Variants in PIR observed in about 807,000 individuals in gnomAD.
PIR encodes the protein pirin, also known as pirin (iron-binding nuclear protein).
Under a neutral mutation model 24.2 loss-of-function variants are expected in PIR, and 22 were observed. The ratio of observed to expected loss-of-function variants is 0.91; its 90% CI spans 0.65 to 1.30. The LOEUF (loss-of-function observed/expected upper bound fraction) is 1.30, where lower values mean the gene tolerates loss of function less well. PIR is among the 50% of genes most tolerant of loss of function. The pLI is 0.00. For missense variants in PIR, 220 were observed against 220.3 expected (o/e 1.00, Z 0.01); for synonymous variants, 80 against 79.6 (o/e 1.00, Z -0.03).
chrX:15,387,635 A>T (rs1923818656), intron 9 of PIR, among the ~76,000 whole-genome samples: 1 of 111,677 alleles, frequency 9.0e-6, no homozygotes, highest in Admixed American at 9.5e-5. Context: ...CGCAGGGGAA[A>T]GGGAAATGCA....
intron 6 of PIR, among the ~76,000 whole-genome samples, chrX:15,419,765 G>A (rs1219860644): frequency 7.4e-5 from 8 of 107,814 alleles, no homozygotes; most frequent in South Asian, 4.0e-4. Context: ...GCGTGGTGGT[G>A]GGTGCCTGTA....
At chrX:15,399,740 GC>G (rs1265377633) in intron 7 of PIR, among the ~76,000 whole-genome samples, 2 of 111,019 alleles carry the variant, frequency 1.8e-5, no homozygotes, top group Admixed American at 1.9e-4. Flanking sequence ...TTTAGAGCAG[GC>G]CTGCTACTAG....
intron 2 of PIR, among the ~76,000 whole-genome samples, chrX:15,487,674 C>A (rs1380089372): frequency 8.9e-6 from 1 of 112,236 alleles, no homozygotes; most frequent in Non-Finnish European, 1.9e-5. Context: ...GCTGGGAGCA[C>A]AGAGGAACCA....
At chrX:15,465,025 T>C (rs78083809) in intron 3 of PIR, among the ~76,000 whole-genome samples, 1 of 108,979 alleles carries the variant, frequency 9.2e-6, no homozygotes, top group African/African-American at 3.5e-5. Context: ...GACATCAAGA[T>C]TTTTTTTTCC....
Position 15,479,808 on chromosome X carries a change from T to C in PIR, c.110A>G (p.Asp37Gly). The change falls in exon 3 of 10, where the codon GAT becomes GGT. Residue 37 changes from aspartate (D) to glycine (G), a missense_variant. By Grantham distance (94) the Asp-to-Gly change is moderately conservative. Coordinates refer to ENST00000380420, the MANE Select transcript of PIR (RefSeq NM_001018109.3). ...AAATTCATCAAACAGTAAAAACGGA[T>C]CCAGATTTTTTAACTGAAATAAAAA... is the stretch of plus-strand genomic sequence containing the variant. ...SIGRPELKNL[D>G]PFLLFDEFKG... The C allele has an allele frequency of 8.7e-7, 1 of 1,143,771 alleles. No homozygotes were observed. The highest frequency in any genetic ancestry group is 1.2e-6 in the Non-Finnish European group (1 of 841,856). The allele number at this position is 1,143,771 out of a possible 1,213,427, so 94.3% of individuals were successfully genotyped here.
intron 6 of PIR, among the ~76,000 whole-genome samples, chrX:15,418,779 C>T (rs919893180): frequency 1.8e-5 from 2 of 112,144 alleles, no homozygotes; most frequent in Non-Finnish European, 3.8e-5. Context: ...TCTCCCTTAA[C>T]TGGATTTCCC....
In PIR at chrX:15,451,682, G is replaced by A. The variant is rs138324321; in HGVS notation, c.480+4166C>T. On this transcript the variant is annotated intron_variant, in intron 5 of 9. Transcript: ENST00000380420. ...CTGTTATCTCTCAGGCATTGTTTCC[G>A]GTGCTAAGTGCACAGTGGTATGATC... 2.9e-3 allele frequency among the ~76,000 whole-genome samples: 324 copies of A among 111,625 alleles called. 2 individuals are homozygous for A. Among genetic ancestry groups the A allele is most frequent in the African/African-American group, 0.01 (309 of 30,785 alleles).
Position 15,396,850 on chromosome X carries a change from T to C in PIR, c.693+599A>G, listed in dbSNP as rs777781833. 8.1e-4 allele frequency among the ~76,000 whole-genome samples: 90 copies of C among 110,915 alleles called. 1 individual carries two copies. The highest frequency in any genetic ancestry group is 4.6e-3 in the Middle Eastern group (1 of 217). On this transcript the variant is annotated intron_variant, in intron 8 of 9. Transcript: ENST00000380420. Reference sequence around the variant, plus strand: ...CCACCTCCCGGGTTCACGCCATTCTTCTGCCTCAGCCTCCCGAGTAGCTGG... The same window carrying C: ...CCACCTCCCGGGTTCACGCCATTCTCCTGCCTCAGCCTCCCGAGTAGCTGG...
intron 7 of PIR, among the ~76,000 whole-genome samples, chrX:15,401,915 T>C (rs1489033132): frequency 8.9e-6 from 1 of 112,667 alleles, no homozygotes; most frequent in African/African-American, 3.2e-5. Context: ...AGGTTTGATA[T>C]TATCAATTTT....
intron 9 of PIR, among the ~76,000 whole-genome samples, chrX:15,389,554 T>A (rs1339878574): frequency 9.0e-6 from 1 of 111,402 alleles, no homozygotes; most frequent in Non-Finnish European, 1.9e-5. Context: ...AATAATAAAA[T>A]GGGTTTTAAT....
intron 5 of PIR, among the ~76,000 whole-genome samples, chrX:15,438,007 C>T (rs1421463399): frequency 8.9e-6 from 1 of 112,558 alleles, no homozygotes; most frequent in African/African-American, 3.2e-5. Flanking sequence ...ACTGTCTCTT[C>T]CTTGATCAAC....
intron 8 of PIR, among the ~76,000 whole-genome samples, chrX:15,397,228 A>G (rs1924193933): frequency 8.9e-6 from 1 of 112,385 alleles, no homozygotes; most frequent in Non-Finnish European, 1.9e-5. Flanking sequence ...AACAATAGGG[A>G]CTTTATATGA....
In PIR at chrX:15,491,298, G is replaced by T. The variant is rs1923145650; in HGVS notation, c.-41C>A. ...GAGAGTGTTCTGATGCTGAGCTGTA[G>T]AGGATGGAGGGCTAAAGGAAGGACA... On this transcript the variant is annotated 5_prime_UTR_variant, in exon 2 of 10. Transcript: ENST00000380420. 2 of 894,683 alleles carry T rather than the reference G, an allele frequency of 2.2e-6. No individual in the cohort carries two copies. The highest frequency in any genetic ancestry group is 1.6e-6 in the Non-Finnish European group (1 of 626,816). The allele number at this position is 894,683 out of a possible 1,213,427, so 73.7% of individuals were successfully genotyped here. A position where few individuals can be genotyped will look rare whatever the true frequency, so the allele number is the denominator to read the frequency against.
At chrX:15,394,626 C>T (rs542496693) in intron 8 of PIR, among the ~76,000 whole-genome samples, 1 of 111,430 alleles carries the variant, frequency 9.0e-6, no homozygotes, top group Admixed American at 9.6e-5. Context: ...TACTCCTGAT[C>T]GTGGAGCCAT....
chrX:15,489,671 G>A (rs16979920), intron 2 of PIR, among the ~76,000 whole-genome samples: 2,138 of 111,967 alleles, frequency 0.019, 37 homozygotes, highest in African/African-American at 0.065. Context: ...AGAAAACACT[G>A]TTTGATGGAC....
intron 5 of PIR, among the ~76,000 whole-genome samples, chrX:15,445,915 C>G (rs1319173012): frequency 2.0e-5 from 2 of 100,854 alleles, no homozygotes; most frequent in South Asian, 9.5e-4. Flanking sequence ...CTGCAAGCTC[C>G]GCCTCCCGGG....
chrX:15,446,771 C>T (rs942160975), intron 5 of PIR, among the ~76,000 whole-genome samples: 2 of 111,643 alleles, frequency 1.8e-5, no homozygotes, highest in African/African-American at 6.5e-5. Context: ...CTGCATCCAT[C>T]CAGCCCCCTG....
chrX:15,471,483 GC>G (rs778526894), intron 3 of PIR, among the ~76,000 whole-genome samples: 11 of 111,776 alleles, frequency 9.8e-5, no homozygotes, highest in African/African-American at 3.6e-4. Flanking sequence ...GGGCTTCGAA[GC>G]TTGGGCCTTC....
In PIR at chrX:15,385,030, T is replaced by C. The variant is rs200265489; in HGVS notation, c.847A>G (p.Thr283Ala). The change falls in exon 10 of 10, where the codon ACC becomes GCC. Residue 283 changes from threonine to alanine, a missense_variant. By Grantham distance (58) the Thr-to-Ala change is moderately conservative. Coordinates refer to ENST00000380420, the MANE Select transcript of PIR (RefSeq NM_001018109.3). The part of the protein sequence containing the change: ...NAKNGFERAK[T>A]WKSKIGN ...TAGTTCCCAATCTTTGATTTCCAGG[T>C]TTTGGCCCTTTCAAACCCATTTTTT... 1.7e-6 allele frequency: 2 copies of C among 1,169,152 alleles called. No individual in the cohort carries two copies. The highest frequency in any genetic ancestry group is 6.0e-5 in the East Asian group (2 of 33,545).
Sources: allele counts gnomAD v4.1 joint callset (sites outside exome capture counted in the v4.1 genomes callset), GRCh38; gene constraint gnomAD v4.1.1; transcripts MANE v1.5; gene names NCBI Gene and HGNC (gene_info 2026-07-23, HGNC 2026-07-21).